Variants in CELF2 observed in about 807,000 individuals in gnomAD.
CELF2 encodes the protein CUGBP Elav-like family member 2, also known as CUG triplet repeat RNA-binding protein 2.
In CELF2, 8 loss-of-function variants were observed where a neutral mutation model predicts 62.6. The ratio of observed to expected loss-of-function variants is 0.13; its 90% CI spans 0.07 to 0.23. The LOEUF (loss-of-function observed/expected upper bound fraction) is 0.23, where lower values mean the gene tolerates loss of function less well. CELF2 is among the 10% of genes least tolerant of loss of function. CELF2 has a pLI of 1.00. For missense variants in CELF2, 333 were observed against 671.0 expected (o/e 0.50, Z 5.56); for synonymous variants, 258 against 250.0 (o/e 1.03, Z -0.30).
chr10:10,641,786 C>A, the CELF2 span, among the ~76,000 whole-genome samples: 1 of 152,148 alleles, frequency 6.6e-6, no homozygotes, highest in South Asian at 2.1e-4. Flanking sequence ...TTGACTAATT[C>A]AGTTTGCTCT....
Position 11,011,464 on chromosome 10 carries a change from T to TA in CELF2, c.53+6038dup, listed in dbSNP as rs373235531. On this transcript the variant is annotated intron_variant, in intron 1 of 12. Transcript: ENST00000416382. This position sits in a 1 kb window ranked among gnomAD's most constrained non-coding sequence, Gnocchi z 4.6. ...GACACCCTGAATTCATCTTTATTAT[T>TA]AAAAAAAAAAAAAACGCAAAATACA... Among the ~76,000 whole-genome samples the TA allele has an allele frequency of 0.067, 9,149 of 136,264 alleles. 644 individuals carry two copies. Among genetic ancestry groups the TA allele is most frequent in the African/African-American group, 0.19 (7,166 of 37,548 alleles). The allele number at this position is 136,264 out of a possible 152,430, so 89.4% of individuals were successfully genotyped here.
chr10:11,063,639 G>A (rs767600510), intron 1 of CELF2, among the ~76,000 whole-genome samples: 1 of 152,192 alleles, frequency 6.6e-6, no homozygotes, highest in Non-Finnish European at 1.5e-5. Context: ...CTTTTGAAGT[G>A]TTACACAAAT....
chr10:10,785,147 C>T, the CELF2 span, among the ~76,000 whole-genome samples: 1 of 152,208 alleles, frequency 6.6e-6, no homozygotes, highest in Admixed American at 6.5e-5. Context: ...AGCCAATCCT[C>T]ACCTTGATTC....
At chr10:10,722,127 C>T in the CELF2 span, among the ~76,000 whole-genome samples, 1 of 151,860 alleles carries the variant, frequency 6.6e-6, no homozygotes, top group Non-Finnish European at 1.5e-5. Flanking sequence ...AAAGCAAGAT[C>T]CCAACTCTAC....
At chr10:11,263,434 C>A (rs141398687) in intron 5 of CELF2, among the ~76,000 whole-genome samples, 1 of 152,078 alleles carries the variant, frequency 6.6e-6, no homozygotes, top group Non-Finnish European at 1.5e-5. Flanking sequence ...TATTTTGATA[C>A]CTGTATATTT....
chr10:11,264,440 A>G (rs2081591929), intron 5 of CELF2, among the ~76,000 whole-genome samples: 3 of 152,264 alleles, frequency 2.0e-5, no homozygotes. Flanking sequence ...TGAAGTGAAT[A>G]CAGCAATCTT....
chr10:11,183,886 T>TTA (rs1424977057), intron 2 of CELF2, among the ~76,000 whole-genome samples: 4 of 152,226 alleles, frequency 2.6e-5, no homozygotes, highest in Admixed American at 2.6e-4. Flanking sequence ...TTGTTATCTC[T>TTA]TAATATTTTT....
chr10:11,018,560 C>CG (rs555259244), intron 1 of CELF2, among the ~76,000 whole-genome samples: 153 of 136,204 alleles, frequency 1.1e-3, no homozygotes, highest in African/African-American at 4.0e-3. Flanking sequence ...GGGGTCCGGG[C>CG]GGGGTCCATG....
At chr10:11,234,773 G>T (rs113422436) in intron 3 of CELF2, among the ~76,000 whole-genome samples, 4 of 151,414 alleles carry the variant, frequency 2.6e-5, no homozygotes, top group African/African-American at 4.9e-5. Context: ...CATCCCCATC[G>T]CAATCCTTTC....
Position 11,314,993 on chromosome 10 carries a change from G to A in CELF2, c.1096+735G>A, listed in dbSNP as rs1003041841. The stretch of plus-strand genomic sequence containing the variant: ...CACTTAGAAAATTGTACTTGGTTCC[G>A]AAACATATGGATGGACTCACCAGAG... On this transcript the variant is annotated intron_variant, in intron 10 of 12. Coordinates refer to ENST00000633077, the MANE Select transcript of CELF2 (RefSeq NM_001326342.2). The surrounding 1 kb of genome is among the most constrained non-coding windows in gnomAD (Gnocchi z 5.3). 1.3e-5 allele frequency among the ~76,000 whole-genome samples: 2 copies of A among 152,190 alleles called. No homozygotes were observed. The highest frequency in any genetic ancestry group is 3.4e-3 in the Middle Eastern group (1 of 294).
At chr10:10,575,308 C>A in the CELF2 span, among the ~76,000 whole-genome samples, 1 of 152,154 alleles carries the variant, frequency 6.6e-6, no homozygotes, top group Non-Finnish European at 1.5e-5. Context: ...GGAGCCTGAG[C>A]TAATCCATGC....
intron 8 of CELF2, among the ~76,000 whole-genome samples, chr10:11,275,704 A>C (rs1287926161): frequency 1.3e-5 from 2 of 152,210 alleles, no homozygotes; most frequent in African/African-American, 2.4e-5. Flanking sequence ...AGAAAATCAA[A>C]GTGTGACTGT....
chr10:10,783,133 G>A, the CELF2 span, among the ~76,000 whole-genome samples: 1 of 152,110 alleles, frequency 6.6e-6, no homozygotes, highest in African/African-American at 2.4e-5. Flanking sequence ...CTTCTTTCGG[G>A]TGGCAGAAAA....
intron 7 of CELF2, among the ~76,000 whole-genome samples, chr10:11,273,421 T>G (rs939167809): frequency 6.6e-6 from 1 of 152,102 alleles, no homozygotes; most frequent in African/African-American, 2.4e-5. Flanking sequence ...AGAATCTAAT[T>G]CCCGATGAAC....
chr10:11,334,047 TTGCTTA>T lies in CELF2; in HGVS notation c.*4996_*5001del, dbSNP rs1289008896. On this transcript the variant is annotated 3_prime_UTR_variant, in exon 13 of 13. Coordinates refer to ENST00000633077, the MANE Select transcript of CELF2 (RefSeq NM_001326342.2). ...CTTTGGCTTGATTTCTTTTTTCCCTTTGCTTATATCTAGCATTAGAATTTTGTCTTA... is the reference window on the plus strand; with the variant it reads ...CTTTGGCTTGATTTCTTTTTTCCCTTTATCTAGCATTAGAATTTTGTCTTA... 2 of 152,676 alleles carry T rather than the reference TTGCTTA, an allele frequency of 1.3e-5. No homozygotes were observed. The highest frequency in any genetic ancestry group is 2.9e-5 in the Non-Finnish European group (2 of 68,044). The allele number at this position is 152,676 out of a possible 1,614,324, so 9.5% of individuals were successfully genotyped here.
the CELF2 span, among the ~76,000 whole-genome samples, chr10:10,593,174 T>C: frequency 1.3e-5 from 2 of 152,206 alleles, no homozygotes; most frequent in South Asian, 4.1e-4. Flanking sequence ...GGTCAGCAGA[T>C]ACATCAGTTG....
chr10:10,679,171 G>A, the CELF2 span, among the ~76,000 whole-genome samples: 2 of 152,240 alleles, frequency 1.3e-5, no homozygotes, highest in East Asian at 1.9e-4. Flanking sequence ...AATGGTAGGA[G>A]ATGGTGCAGT....
At chr10:11,032,346 G>A (rs897063471) in intron 1 of CELF2, among the ~76,000 whole-genome samples, 1 of 152,008 alleles carries the variant, frequency 6.6e-6, no homozygotes, top group Non-Finnish European at 1.5e-5. Context: ...GCTGGATGGG[G>A]TGACTCAGTG....
intron 1 of CELF2, among the ~76,000 whole-genome samples, chr10:11,067,534 A>G (rs1038064555): frequency 1.3e-5 from 2 of 152,246 alleles, no homozygotes; most frequent in African/African-American, 4.8e-5. Flanking sequence ...AATTCCACAC[A>G]CAAGGCAAGG....
Sources: allele counts gnomAD v4.1 joint callset (sites outside exome capture counted in the v4.1 genomes callset), GRCh38; gene constraint gnomAD v4.1.1; non-coding constraint Gnocchi (gnomAD v3.1); transcripts MANE v1.5; gene names NCBI Gene and HGNC (gene_info 2026-07-23, HGNC 2026-07-21).